RIMS2: variants seen among roughly 807,000 people sequenced by gnomAD.
The protein encoded by RIMS2 is regulating synaptic membrane exocytosis 2.
RIMS2 carries 59 observed loss-of-function variants against 174.4 expected under a neutral mutation model. That is an observed-to-expected ratio of 0.34 (90% confidence interval 0.27 to 0.42). The LOEUF is 0.42. Ranked by LOEUF, RIMS2 falls within the 10% of genes least tolerant of loss-of-function variation. The pLI is 1.00. For synonymous variants in RIMS2, 606 were observed against 572.5 expected (o/e 1.06, Z -0.84); for missense variants, 1,620 against 1,666.3 (o/e 0.97, Z 0.48).
intron 19 of RIMS2, among the ~76,000 whole-genome samples, chr8:104,166,355 CG>C (rs961119933): frequency 6.6e-6 from 1 of 152,000 alleles, no homozygotes; most frequent in Non-Finnish European, 1.5e-5. Flanking sequence ...CTTGAGCCAC[CG>C]GGCCCGGCCT....
At chr8:103,566,556 T>C (rs1319550766) in intron 1 of RIMS2, among the ~76,000 whole-genome samples, 1 of 152,230 alleles carries the variant, frequency 6.6e-6, no homozygotes, top group Non-Finnish European at 1.5e-5. Flanking sequence ...TATTTACATA[T>C]ATTCATATTT....
chr8:103,568,813 G>A, intron 1 of RIMS2: 1 of 1,133,244 alleles, frequency 8.8e-7, no homozygotes, highest in South Asian at 1.2e-5. Flanking sequence ...AGTGCTATAA[G>A]AAGCTGAGCA....
intron 19 of RIMS2, chr8:104,223,292 C>G (rs1303606828): frequency 1.2e-6 from 1 of 860,676 alleles, no homozygotes; most frequent in Non-Finnish European, 1.4e-6. Flanking sequence ...TGGCGGGGAC[C>G]GCAGCATCAG....
intron 15 of RIMS2, 134 bp from the exon 18 acceptor site, chr8:103,975,216 A>G (rs2093313516): frequency 2.0e-6 from 1 of 512,710 alleles, no homozygotes; most frequent in East Asian, 3.1e-5. Context: ...ATCATGGTTT[A>G]TTCACTATAC....
intron 16 of RIMS2, among the ~76,000 whole-genome samples, chr8:103,987,189 A>T (rs974972906): frequency 2.0e-5 from 3 of 151,952 alleles, no homozygotes; most frequent in South Asian, 2.1e-4. Context: ...ACAAAGTCTC[A>T]CTATGTTGCC....
intron 1 of RIMS2, among the ~76,000 whole-genome samples, chr8:103,533,092 C>T (rs946478752): frequency 1.1e-4 from 17 of 152,046 alleles, no homozygotes; most frequent in African/African-American, 2.4e-4. Context: ...ATTTTCTTTA[C>T]GAAAGTAATA....
chr8:103,614,093 C>A (rs1184423882), intron 1 of RIMS2, among the ~76,000 whole-genome samples: 1 of 152,236 alleles, frequency 6.6e-6, no homozygotes, highest in Non-Finnish European at 1.5e-5. Context: ...GAGCCCATCC[C>A]AGCACTAGAA....
At chr8:104,109,370 A>G (rs1052139552) in intron 19 of RIMS2, among the ~76,000 whole-genome samples, 1 of 151,942 alleles carries the variant, frequency 6.6e-6, no homozygotes, top group Admixed American at 6.6e-5. Flanking sequence ...ATATAGCATA[A>G]TGATTAAAAG....
intron 19 of RIMS2, among the ~76,000 whole-genome samples, chr8:104,048,401 A>G (rs1566024671): frequency 6.6e-6 from 1 of 152,132 alleles, no homozygotes; most frequent in Admixed American, 6.5e-5. Flanking sequence ...TTAAAACACC[A>G]TGGTGATGCC....
chr8:104,072,192 A>G (rs891679353), intron 19 of RIMS2, among the ~76,000 whole-genome samples: 2 of 152,176 alleles, frequency 1.3e-5, no homozygotes, highest in African/African-American at 4.8e-5. Context: ...GATATGTCAA[A>G]GAGAAAGTTA....
At chr8:104,067,558 T>TTTG (rs145948654) in intron 19 of RIMS2, among the ~76,000 whole-genome samples, 38,990 of 151,262 alleles carry the variant, frequency 0.26, 5,042 homozygotes, top group Non-Finnish European at 0.27. Context: ...ACCTGGCTAA[T>TTTG]TTGTTGTTGT....
At chr8:103,943,057 T>C (rs1379479846) in intron 14 of RIMS2, 131 bp downstream of exon 16, 12 of 673,112 alleles carry the variant, frequency 1.8e-5, no homozygotes, top group Non-Finnish European at 2.4e-5. Context: ...TAGCTATGAA[T>C]TGTTTGAAAA....
At chr8:103,677,014 G>C (rs2096823563) in intron 1 of RIMS2, among the ~76,000 whole-genome samples, 1 of 152,094 alleles carries the variant, frequency 6.6e-6, no homozygotes, top group Non-Finnish European at 1.5e-5. Flanking sequence ...TTAAAGTGTA[G>C]TGTCATTCAT....
At chr8:104,190,684 A>G (rs2098993007) in intron 19 of RIMS2, among the ~76,000 whole-genome samples, 1 of 152,002 alleles carries the variant, frequency 6.6e-6, no homozygotes, top group African/African-American at 2.4e-5. Context: ...AGAGTGGGCT[A>G]TCTCCTCTTT....
chr8:103,698,419 G>C (rs2097131652), intron 2 of RIMS2, among the ~76,000 whole-genome samples: 1 of 152,136 alleles, frequency 6.6e-6, no homozygotes, highest in African/African-American at 2.4e-5. Context: ...TGAGTTTGTT[G>C]TTGTTGTTTG....
intron 19 of RIMS2, among the ~76,000 whole-genome samples, chr8:104,072,029 C>G (rs1368296862): frequency 6.6e-6 from 1 of 152,126 alleles, no homozygotes; most frequent in Non-Finnish European, 1.5e-5. Context: ...ATGCAGGCAG[C>G]TTACCTCAAA....
At chr8:103,626,266 A>G (rs1008082184) in intron 1 of RIMS2, among the ~76,000 whole-genome samples, 3 of 152,188 alleles carry the variant, frequency 2.0e-5, no homozygotes, top group Admixed American at 6.5e-5. Flanking sequence ...AATTCTTAAT[A>G]AAGCATGGTT....
chr8:103,597,414 C>T (rs1169487443), intron 1 of RIMS2, among the ~76,000 whole-genome samples: 6 of 151,980 alleles, frequency 3.9e-5, no homozygotes, highest in Non-Finnish European at 5.9e-5. Context: ...TTATGCATAC[C>T]CTTCTGGCTC....
intron 19 of RIMS2, among the ~76,000 whole-genome samples, chr8:104,196,227 C>G (rs1346353206): frequency 6.6e-6 from 1 of 152,098 alleles, no homozygotes; most frequent in Non-Finnish European, 1.5e-5. Context: ...TCAATTTAGT[C>G]TGCTTGGACA....
Sources: allele counts gnomAD v4.1 joint callset (sites outside exome capture counted in the v4.1 genomes callset), GRCh38; gene constraint gnomAD v4.1.1; transcripts MANE v1.5; gene names NCBI Gene and HGNC (gene_info 2026-07-23, HGNC 2026-07-21).